Variants in COL15A1 observed in about 807,000 individuals in gnomAD.
COL15A1 encodes collagen alpha-1(XV) chain.
In COL15A1, 111 loss-of-function variants were observed where a neutral mutation model predicts 165.9. The observed-to-expected ratio is 0.67, with a 90% CI of 0.57 to 0.78. COL15A1 has a LOEUF of 0.78. COL15A1 is among the 30% of genes least tolerant of loss of function. The pLI is 0.00. For synonymous variants in COL15A1, 659 were observed against 674.8 expected, an observed-to-expected ratio of 0.98 and a Z score of 0.36; for missense variants, 1,745 against 1,789.7, an observed-to-expected ratio of 0.98 and a Z score of 0.45.
At chr9:98,956,436 A>G (rs1220175953) in intron 2 of COL15A1, among the ~76,000 whole-genome samples, 2 of 152,234 alleles carry the variant, frequency 1.3e-5, no homozygotes, top group Non-Finnish European at 2.9e-5. Flanking sequence ...ATATACATAT[A>G]TGTTATATAT....
intron 7 of COL15A1, 103 bp downstream of exon 7, chr9:99,001,054 T>A: frequency 8.5e-6 from 6 of 702,422 alleles, no homozygotes; most frequent in Non-Finnish European, 1.0e-5. Flanking sequence ...ACCACAAGGG[T>A]TTTGGTTGAA....
chr9:99,035,847 G>A (rs1338556003), intron 19 of COL15A1, among the ~76,000 whole-genome samples: 1 of 152,160 alleles, frequency 6.6e-6, no homozygotes, highest in Non-Finnish European at 1.5e-5. Context: ...CTCCTGCCAT[G>A]AAGCGATGCC....
chr9:98,970,999 G>A (rs531802926), intron 2 of COL15A1, among the ~76,000 whole-genome samples: 1 of 152,352 alleles, frequency 6.6e-6, no homozygotes, highest in South Asian at 2.1e-4. Flanking sequence ...GATTTGTACT[G>A]TGTATTTGTG....
intron 28 of COL15A1, 116 bp downstream of exon 28, chr9:99,048,116 C>T (rs1839524454): frequency 8.2e-6 from 6 of 728,008 alleles, no homozygotes; most frequent in East Asian, 5.4e-5. Context: ...CTTCTTCCTT[C>T]ACTGCCACTG....
chr9:99,052,536 T>C (rs1183114127), intron 31 of COL15A1, 103 bp downstream of exon 31: 1 of 923,550 alleles, frequency 1.1e-6, no homozygotes, highest in African/African-American at 1.6e-5. Context: ...GTCAGGAAGG[T>C]CTAACTGGAT....
intron 9 of COL15A1, among the ~76,000 whole-genome samples, chr9:99,010,064 G>A (rs992295258): frequency 6.6e-6 from 1 of 152,198 alleles, no homozygotes; most frequent in South Asian, 2.1e-4. Flanking sequence ...TTTGGACCTT[G>A]AGGAGTTGAA....
Position 99,049,705 on chromosome 9 carries a change from C to T in COL15A1, c.2809C>T (p.Pro937Ser). The T allele has an allele frequency of 6.2e-7, 1 of 1,613,692 alleles. No individual in the cohort carries two copies. The highest frequency in any genetic ancestry group is 8.5e-7 in the Non-Finnish European group (1 of 1,180,014). ...GVIMQGPPGL[P>S]GPPGPPGPPG... The stretch of plus-strand genomic sequence containing the variant: ...CTTCCTTCAGGGCCCACCTGGCTTA[C>T]CTGGCCCTCCAGGCCCCCCTGGGCC... Residue 937 changes from proline to serine, a missense_variant, in exon 29 of 42, where the codon CCT (proline) becomes TCT (serine). Physicochemically the swap from Pro to Ser is moderately conservative, Grantham distance 74. Transcript: ENST00000375001.
rs977591525 is a variant in COL15A1, at chr9:99,034,892, C to G, written c.2080-122C>G. On this transcript the variant is annotated intron_variant, in intron 17 of 41. Coordinates refer to ENST00000375001, the MANE Select transcript of COL15A1 (RefSeq NM_001855.5). Reference sequence around the variant, plus strand: ...GCTGTTTCTGTACCATTAAGTGGTACCGATCAGAGAATTCATCAACCTAAT... The same window carrying G: ...GCTGTTTCTGTACCATTAAGTGGTAGCGATCAGAGAATTCATCAACCTAAT... 66 of 959,036 alleles carry G rather than the reference C, an allele frequency of 6.9e-5. No homozygotes were observed. The Middle Eastern group carries it at 8.0e-4, about 12-fold the overall frequency. The allele number at this position is 959,036 out of a possible 1,614,324, so 59.4% of individuals were successfully genotyped here. A position where few individuals can be genotyped will look rare whatever the true frequency, so the allele number is the denominator to read the frequency against.
At chr9:98,992,623 A>C (rs532054269) in intron 5 of COL15A1, among the ~76,000 whole-genome samples, 2 of 152,378 alleles carry the variant, frequency 1.3e-5, no homozygotes, top group East Asian at 3.9e-4. Context: ...GGAGGCACTG[A>C]GGGCGAGCGA....
chr9:99,036,551 C>T (rs1191942067), intron 21 of COL15A1, among the ~76,000 whole-genome samples, 155 bp downstream of exon 21: 1 of 152,208 alleles, frequency 6.6e-6, no homozygotes, highest in African/African-American at 2.4e-5. Flanking sequence ...CTACCTGTTC[C>T]TCCCCCAGTT....
In COL15A1 at chr9:99,036,351, CCCTGGGCCGAGAGGGCCA is replaced by C. The variant is rs1256716746; in HGVS notation, c.2372_2389del (p.Pro791_Gly796del). The C allele has an allele frequency of 2.5e-6, 4 of 1,614,034 alleles. No homozygotes were observed. The highest frequency in any genetic ancestry group is 3.4e-6 in the Non-Finnish European group (4 of 1,180,038). ...TGGATGGAGCCAGTATTGTGGGACC[CCCTGGGCCGAGAGGGCCA>C]CCTGGGCACATCAAGGTCTTGTCTA... On this transcript the variant is annotated inframe_deletion, in exon 21 of 42. Coordinates refer to ENST00000375001, the MANE Select transcript of COL15A1 (RefSeq NM_001855.5).
intron 39 of COL15A1, among the ~76,000 whole-genome samples, chr9:99,063,616 AG>A (rs1240535302): frequency 6.6e-6 from 1 of 152,212 alleles, no homozygotes; most frequent in East Asian, 1.9e-4. Context: ...AAGGGTTTAA[AG>A]CAGGAAACAG....
At chr9:98,968,815 AAGG>A (rs1453512279) in intron 2 of COL15A1, among the ~76,000 whole-genome samples, 1 of 151,936 alleles carries the variant, frequency 6.6e-6, no homozygotes, top group Non-Finnish European at 1.5e-5. Flanking sequence ...GGGGGCGGGG[AAGG>A]AGGAGTAAGC....
In COL15A1 at chr9:99,052,441, C is replaced by T; in HGVS notation, c.2950+8C>T. The T allele has an allele frequency of 1.3e-6, 2 of 1,592,672 alleles. No individual in the cohort carries two copies. Among genetic ancestry groups the T allele is most frequent in the South Asian group, 1.1e-5 (1 of 90,540 alleles). On this transcript the variant is annotated splice_region_variant and intron_variant, in intron 31 of 41. Coordinates refer to ENST00000375001, the MANE Select transcript of COL15A1 (RefSeq NM_001855.5). ...AGCTCATCACTTTTCACGGTATACA[C>T]TCCCTTCTTCATCATTTGTTTCTCT...
At chr9:98,964,029 G>A (rs955911836) in intron 2 of COL15A1, among the ~76,000 whole-genome samples, 8 of 152,252 alleles carry the variant, frequency 5.3e-5, no homozygotes, top group African/African-American at 1.9e-4. Context: ...TCTATTTCCA[G>A]ATAAGGAAGC....
At position 99,052,369 on chromosome 9, in the gene COL15A1, G is replaced by C; in HGVS notation, c.2905-19G>C. 1 of 1,605,990 alleles carries C rather than the reference G, an allele frequency of 6.2e-7. No homozygotes were observed. The highest frequency in any genetic ancestry group is 1.3e-5 in the African/African-American group (1 of 74,864). ...CGGCAGAGCTTGCAGTGCCTAACCTGGCCTTCCTCTCTTTCCAGGTTGATA... is the reference window on the plus strand; with the variant it reads ...CGGCAGAGCTTGCAGTGCCTAACCTCGCCTTCCTCTCTTTCCAGGTTGATA... On this transcript the variant is annotated intron_variant, in intron 30 of 41. Coordinates refer to ENST00000375001, the MANE Select transcript of COL15A1 (RefSeq NM_001855.5).
rs1251518440 is a variant in COL15A1 at position 99,059,967 on chromosome 9, T to C, written c.3402+14T>C. ...TCCAGAAACCTGGTCAGTATTATCA[T>C]CAGTGTGTAGTCATCATTCCATTTG... On this transcript the variant is annotated intron_variant, in intron 36 of 41. Transcript: ENST00000375001. 1 of 1,613,368 alleles carries C rather than the reference T, an allele frequency of 6.2e-7. No homozygotes were observed. The highest frequency in any genetic ancestry group is 1.3e-5 in the African/African-American group (1 of 74,986).
Position 98,985,942 on chromosome 9 carries a change from AG to A in COL15A1, c.480del (p.Arg160SerfsTer7). On this transcript the variant is annotated frameshift_variant, in exon 3 of 42. Coordinates refer to ENST00000375001, the MANE Select transcript of COL15A1 (RefSeq NM_001855.5). LOFTEE classifies it high-confidence loss of function. Reference protein sequence around the residue: ...AAFSVPVMTHRWNRFAMIVQG... With the variant: ...AAFSVPVMTHXWNRFAMIVQG... Reference sequence around the variant, plus strand: ...CTTCTCGGTGCCTGTGATGACCCACAGGTGGAACCGCTTCGCCATGATTGTC... The same window carrying A: ...CTTCTCGGTGCCTGTGATGACCCACAGTGGAACCGCTTCGCCATGATTGTC... 6.2e-7 allele frequency: 1 copy of A among 1,613,986 alleles called. No homozygotes were observed. The highest frequency in any genetic ancestry group is 2.2e-5 in the East Asian group (1 of 44,868).
At chr9:99,042,690 G>T (rs1839429025) in intron 24 of COL15A1, among the ~76,000 whole-genome samples, 1 of 152,182 alleles carries the variant, frequency 6.6e-6, no homozygotes, top group Non-Finnish European at 1.5e-5. Context: ...ATTATAAATT[G>T]AGCATTCTGC....
Sources: gnomAD v4.1 joint callset for allele counts (sites outside exome capture counted in the v4.1 genomes callset) on GRCh38, gnomAD v4.1.1 for gene constraint, MANE v1.5 for transcripts, NCBI Gene and HGNC (gene_info 2026-07-23, HGNC 2026-07-21) for gene names.